CDYL2: variants seen among roughly 807,000 people sequenced by gnomAD.
CDYL2 encodes the protein chromodomain Y like 2.
Under a neutral mutation model 49.4 loss-of-function variants are expected in CDYL2, and 23 were observed. That is an observed-to-expected ratio of 0.47 (90% confidence interval 0.34 to 0.66). The LOEUF is 0.66. CDYL2 is among the 30% of genes least tolerant of loss of function. The pLI, the probability that CDYL2 is intolerant of heterozygous loss-of-function variation, is 0.01. For missense variants in CDYL2, 678 were observed against 656.4 expected, an observed-to-expected ratio of 1.03 and a Z score of -0.36; for synonymous variants, 360 against 268.8, an observed-to-expected ratio of 1.34 and a Z score of -3.32.
intron 1 of CDYL2, among the ~76,000 whole-genome samples, chr16:80,737,916 C>T (rs1421798365): frequency 3.3e-5 from 5 of 152,094 alleles, no homozygotes; most frequent in Non-Finnish European, 5.9e-5. Context: ...ATGTGCAGAA[C>T]GTGCAGGTTT....
intron 1 of CDYL2, among the ~76,000 whole-genome samples, chr16:80,699,752 A>G (rs1252748529): frequency 6.6e-6 from 1 of 152,226 alleles, no homozygotes; most frequent in African/African-American, 2.4e-5. Context: ...CACATTATCT[A>G]TATGTATTGA....
At chr16:80,629,479 G>A (rs972056411) in intron 3 of CDYL2, among the ~76,000 whole-genome samples, 1 of 152,240 alleles carries the variant, frequency 6.6e-6, no homozygotes, top group African/African-American at 2.4e-5. Context: ...CCTGAGAGTA[G>A]TGGTAGGATT....
At chr16:80,690,196 G>A (rs1298561498) in intron 1 of CDYL2, among the ~76,000 whole-genome samples, 1 of 152,110 alleles carries the variant, frequency 6.6e-6, no homozygotes, top group South Asian at 2.1e-4. Flanking sequence ...GGAAGGTGCT[G>A]TGAGAAACAA....
intron 1 of CDYL2, among the ~76,000 whole-genome samples, chr16:80,712,075 A>G (rs1454021111): frequency 4.0e-5 from 6 of 149,868 alleles, no homozygotes; most frequent in Non-Finnish European, 7.4e-5. Flanking sequence ...AGATGTGTGT[A>G]TATAGATGTG....
intron 2 of CDYL2, among the ~76,000 whole-genome samples, chr16:80,672,352 C>CACACACACAG (rs68130206): frequency 1.2e-4 from 14 of 117,772 alleles, no homozygotes; most frequent in Non-Finnish European, 1.7e-4. Flanking sequence ...CACACACACA[C>CACACACACAG]AGAGAGAGAG....
In CDYL2 at chr16:80,727,960, A is replaced by T. The variant is rs573502240; in HGVS notation, c.25-42831T>A. On this transcript the variant is annotated intron_variant, in intron 1 of 6. Coordinates refer to ENST00000570137, the MANE Select transcript of CDYL2 (RefSeq NM_152342.4). ...AAAAACCCATCTGTACATCACCATC[A>T]TCAAAGACCAAAAGTAGATAAAAAC... Among the ~76,000 whole-genome samples, 3 of 152,338 alleles carry T rather than the reference A, an allele frequency of 2.0e-5. No homozygotes were observed. The South Asian group carries it at 6.2e-4, about 32-fold the overall frequency.
intron 1 of CDYL2, among the ~76,000 whole-genome samples, chr16:80,702,892 G>C (rs955078705): frequency 6.6e-6 from 1 of 152,160 alleles, no homozygotes; most frequent in African/African-American, 2.4e-5. Context: ...GCATGAGTGA[G>C]CCCAGATGAA....
chr16:80,602,619 C>G lies in CDYL2; in HGVS notation c.*1769G>C, dbSNP rs1156730901. ...ACCACAGAGAGTTAGAGAACTGTCA[C>G]CAGAACTCTCTCTTCTAAGCCTGCC... On this transcript the variant is annotated 3_prime_UTR_variant, in exon 7 of 7. Coordinates refer to ENST00000570137, the MANE Select transcript of CDYL2 (RefSeq NM_152342.4). The G allele has an allele frequency of 6.6e-6, 1 of 152,190 alleles. No homozygotes were observed. The highest frequency in any genetic ancestry group is 2.4e-5 in the African/African-American group (1 of 41,428). The allele number at this position is 152,190 out of a possible 1,614,324, so 9.4% of individuals were successfully genotyped here. A position where few individuals can be genotyped will look rare whatever the true frequency, so the allele number is the denominator to read the frequency against.
intron 1 of CDYL2, among the ~76,000 whole-genome samples, chr16:80,721,583 C>A (rs1391843406): frequency 6.6e-6 from 1 of 152,148 alleles, no homozygotes; most frequent in Non-Finnish European, 1.5e-5. Flanking sequence ...CTGCTGGTGA[C>A]CACTTTCTTC....
intron 2 of CDYL2, among the ~76,000 whole-genome samples, chr16:80,683,504 G>C (rs1393707244): frequency 6.6e-6 from 1 of 152,202 alleles, no homozygotes; most frequent in Non-Finnish European, 1.5e-5. Flanking sequence ...GGAAAAAGGA[G>C]GAATTCCATA....
chr16:80,768,407 C>T (rs1162538189), intron 1 of CDYL2, among the ~76,000 whole-genome samples: 1 of 152,230 alleles, frequency 6.6e-6, no homozygotes, highest in Non-Finnish European at 1.5e-5. Flanking sequence ...GCTGCTATAA[C>T]AAAATACCAT....
chr16:80,640,790 A>G (rs1274010612), intron 2 of CDYL2, among the ~76,000 whole-genome samples: 2 of 152,230 alleles, frequency 1.3e-5, no homozygotes, highest in African/African-American at 4.8e-5. Flanking sequence ...TGTGTAGCTA[A>G]AAAGCGTAAC....
At chr16:80,760,966 A>G (rs1011876676) in intron 1 of CDYL2, among the ~76,000 whole-genome samples, 2 of 152,184 alleles carry the variant, frequency 1.3e-5, no homozygotes, top group African/African-American at 4.8e-5. Context: ...AAACCAAATT[A>G]TTAATGCCTG....
At chr16:80,773,536 A>G (rs865956089) in intron 1 of CDYL2, among the ~76,000 whole-genome samples, 1 of 152,290 alleles carries the variant, frequency 6.6e-6, no homozygotes, top group Middle Eastern at 3.4e-3. Context: ...TGCATGAAAC[A>G]TTTACAAAAA....
At position 80,598,079 on chromosome 16, in the gene CDYL2, G is replaced by C. The variant is rs1371681417; in HGVS notation, c.*6309C>G. 1 of 152,142 alleles carries C rather than the reference G, an allele frequency of 6.6e-6. No individual in the cohort carries two copies. Among genetic ancestry groups the C allele is most frequent in the African/African-American group, 2.4e-5 (1 of 41,434 alleles). The allele number at this position is 152,142 out of a possible 1,614,324, so 9.4% of individuals were successfully genotyped here. A position where few individuals can be genotyped will look rare whatever the true frequency, so the allele number is the denominator to read the frequency against. ...TAGACAGTCAGGATTTGATAAATCA[G>C]AAGATTATTATCCCTCAGTACTGCA... On this transcript the variant is annotated 3_prime_UTR_variant, in exon 7 of 7. Coordinates refer to ENST00000570137, the MANE Select transcript of CDYL2 (RefSeq NM_152342.4).
At chr16:80,682,273 C>A (rs1413199762) in intron 2 of CDYL2, among the ~76,000 whole-genome samples, 1 of 152,158 alleles carries the variant, frequency 6.6e-6, no homozygotes, top group Non-Finnish European at 1.5e-5. Context: ...AGAGAACACA[C>A]AACGTCAGGC....
intron 1 of CDYL2, among the ~76,000 whole-genome samples, chr16:80,767,043 G>T (rs1451746937): frequency 6.6e-6 from 1 of 152,074 alleles, no homozygotes; most frequent in East Asian, 1.9e-4. Flanking sequence ...TGCAGACCTA[G>T]GCTGTGAACT....
intron 1 of CDYL2, among the ~76,000 whole-genome samples, chr16:80,767,959 GT>G (rs1432044318): frequency 1.3e-5 from 2 of 152,188 alleles, no homozygotes; most frequent in African/African-American, 4.8e-5. Context: ...ATGCAGGGCT[GT>G]ATGAATACTG....
intron 1 of CDYL2, among the ~76,000 whole-genome samples, chr16:80,766,961 GC>G (rs1906748833): frequency 2.6e-5 from 4 of 152,124 alleles, no homozygotes; most frequent in Admixed American, 2.6e-4. Context: ...TACTATTATT[GC>G]CCCCATTTTG....
Sources: allele counts gnomAD v4.1 joint callset (sites outside exome capture counted in the v4.1 genomes callset), GRCh38; gene constraint gnomAD v4.1.1; transcripts MANE v1.5; gene names NCBI Gene and HGNC (gene_info 2026-07-23, HGNC 2026-07-21).